Variants in OR2L13 observed in about 807,000 individuals in gnomAD.
The protein encoded by OR2L13 is olfactory receptor 2L13.
A neutral mutation model predicts 15.3 loss-of-function variants in OR2L13; 14 were observed. The observed-to-expected ratio is 0.91, with a 90% confidence interval of 0.60 to 1.43. The LOEUF (loss-of-function observed/expected upper bound fraction) is 1.43. OR2L13 is among the 40% of genes most tolerant of loss of function. The pLI, the probability that OR2L13 is intolerant of heterozygous loss-of-function variation, is 0.00. For synonymous variants in OR2L13, 152 were observed against 142.9 expected, an observed-to-expected ratio of 1.06 and a Z score of -0.45; for missense variants, 367 against 387.9, an observed-to-expected ratio of 0.95 and a Z score of 0.45.
chr1:247,958,737 C>A, the OR2L13 span, among the ~76,000 whole-genome samples: 1 of 151,780 alleles, frequency 6.6e-6, no homozygotes, highest in Non-Finnish European at 1.5e-5. Context: ...GGTTTAAAGT[C>A]TATTTTGTCA....
chr1:247,965,373 A>G, the OR2L13 span: 1 of 1,605,754 alleles, frequency 6.2e-7, no homozygotes, highest in Non-Finnish European at 8.5e-7. Context: ...TTTTGGTTTC[A>G]GCCATGAAAA....
At chr1:247,976,962 A>T in the OR2L13 span, among the ~76,000 whole-genome samples, 1 of 152,236 alleles carries the variant, frequency 6.6e-6, no homozygotes, top group African/African-American at 2.4e-5. Context: ...CTCAGGGTAC[A>T]CATCAGGTAT....
At chr1:247,957,478 C>G in the OR2L13 span, among the ~76,000 whole-genome samples, 2 of 152,098 alleles carry the variant, frequency 1.3e-5, no homozygotes, top group Non-Finnish European at 2.9e-5. Context: ...AAGGAGGATT[C>G]CCTCTTTTTC....
the OR2L13 span, among the ~76,000 whole-genome samples, chr1:248,072,334 G>C: frequency 1.1e-4 from 16 of 151,856 alleles, no homozygotes. Flanking sequence ...CATATCTATG[G>C]CTATCTGATC....
At chr1:247,965,681 A>T in the OR2L13 span, 1,614 of 1,552,368 alleles carry the variant, frequency 1.0e-3, 11 homozygotes, top group African/African-American at 0.017. Flanking sequence ...ATTCAAACGT[A>T]TGTGTTCTTG....
At chr1:247,976,659 G>T in the OR2L13 span, among the ~76,000 whole-genome samples, 1 of 152,096 alleles carries the variant, frequency 6.6e-6, no homozygotes, top group East Asian at 1.9e-4. Flanking sequence ...AATCAATCTA[G>T]ACTGGCTTGA....
At chr1:248,006,243 A>G in the OR2L13 span, among the ~76,000 whole-genome samples, 14 of 139,732 alleles carry the variant, frequency 1.0e-4, no homozygotes, top group East Asian at 1.5e-3. Flanking sequence ...ATTGCAAGAT[A>G]TGTGTGTGTG....
chr1:247,949,185 G>C, the OR2L13 span: 4 of 1,614,218 alleles, frequency 2.5e-6, no homozygotes, highest in Non-Finnish European at 3.4e-6. Context: ...AGGAGGTGCA[G>C]AAGCACTACT....
At chr1:247,942,599 G>C in the OR2L13 span, among the ~76,000 whole-genome samples, 14 of 152,044 alleles carry the variant, frequency 9.2e-5, no homozygotes, top group Non-Finnish European at 1.9e-4. Flanking sequence ...ATTGCCCAAA[G>C]TCATAAAGTA....
At chr1:247,984,316 G>T in the OR2L13 span, among the ~76,000 whole-genome samples, 1 of 151,686 alleles carries the variant, frequency 6.6e-6, no homozygotes, top group African/African-American at 2.4e-5. Flanking sequence ...GTGCCATTTA[G>T]GATTCTGTCC....
At chr1:248,030,355 C>G in the OR2L13 span, 2 of 152,166 alleles carry the variant, frequency 1.3e-5, no homozygotes, top group African/African-American at 2.4e-5. Flanking sequence ...GCACTAATGA[C>G]TGTACTTTCT....
the OR2L13 span, chr1:247,975,762 A>C: frequency 2.5e-6 from 1 of 401,836 alleles, no homozygotes; most frequent in Non-Finnish European, 4.3e-6. Flanking sequence ...GTGGAACAAA[A>C]ATTACTCTAG....
the OR2L13 span, among the ~76,000 whole-genome samples, chr1:247,997,474 C>T: frequency 4.2e-4 from 64 of 152,038 alleles, 1 homozygote; most frequent in East Asian, 2.7e-3. Flanking sequence ...CCCATGTATG[C>T]GATATTTTAA....
At chr1:248,028,001 C>T in the OR2L13 span, among the ~76,000 whole-genome samples, 6 of 151,696 alleles carry the variant, frequency 4.0e-5, no homozygotes, top group East Asian at 5.8e-4. Context: ...ATTAGCTGGG[C>T]GTGGTTGTGG....
the OR2L13 span, among the ~76,000 whole-genome samples, chr1:247,951,932 G>A: frequency 9.9e-5 from 15 of 152,126 alleles, no homozygotes; most frequent in East Asian, 2.5e-3. Flanking sequence ...ACACTGCTTG[G>A]GTCCTGTGGT....
the OR2L13 span, among the ~76,000 whole-genome samples, chr1:248,014,626 A>G: frequency 4.6e-5 from 7 of 152,288 alleles, no homozygotes; most frequent in Admixed American, 1.3e-4. Context: ...CAGTCATAGC[A>G]GATAACAAGT....
chr1:247,961,727 A>C, the OR2L13 span, among the ~76,000 whole-genome samples: 1 of 152,318 alleles, frequency 6.6e-6, no homozygotes, highest in East Asian at 1.9e-4. Flanking sequence ...GGAGGCAATG[A>C]CTGGGTAGAA....
chr1:248,073,742 G>A, the OR2L13 span, among the ~76,000 whole-genome samples: 1 of 151,752 alleles, frequency 6.6e-6, no homozygotes, highest in African/African-American at 2.4e-5. Context: ...TAATGAAAGA[G>A]TGCATGGTTA....
chr1:247,972,512 C>T, the OR2L13 span, among the ~76,000 whole-genome samples: 127,871 of 152,068 alleles, frequency 0.84, 55,482 homozygotes, highest in South Asian at 0.97. Context: ...CTAGAAAACC[C>T]GGAAGAAATG....
Sources: allele counts gnomAD v4.1 joint callset (sites outside exome capture counted in the v4.1 genomes callset), GRCh38; gene constraint gnomAD v4.1.1; transcripts MANE v1.5; gene names NCBI Gene and HGNC (gene_info 2026-07-23, HGNC 2026-07-21).